The following CNTN4 variants were observed in gnomAD, a reference collection of about 807,000 sequenced individuals.
CNTN4 encodes contactin 4.
CNTN4 carries 77 observed loss-of-function variants against 122.5 expected under a neutral mutation model. That is an observed-to-expected ratio of 0.63 (90% CI 0.52 to 0.76). The LOEUF (loss-of-function observed/expected upper bound fraction) is 0.76. Ranked by LOEUF, CNTN4 falls within the 30% of genes least tolerant of loss-of-function variation. The probability of loss-of-function intolerance (pLI) is 0.00; values close to 1 mark genes in which losing one functional copy is unlikely to be tolerated. For synonymous variants in CNTN4, 512 were observed against 447.0 expected, an observed-to-expected ratio of 1.15 and a Z score of -1.83; for missense variants, 1,256 against 1,259.1, an observed-to-expected ratio of 1.00 and a Z score of 0.04.
chr3:2,423,096 CA>C (rs1338286391), intron 3 of CNTN4, among the ~76,000 whole-genome samples: 2 of 152,126 alleles, frequency 1.3e-5, no homozygotes, highest in Admixed American at 6.5e-5. Flanking sequence ...AACTGATAAC[CA>C]ATTAAATAAA....
chr3:2,816,254 T>G (rs985559112), intron 6 of CNTN4, among the ~76,000 whole-genome samples: 11 of 147,748 alleles, frequency 7.4e-5, no homozygotes, highest in African/African-American at 2.9e-4. Context: ...CTCGGGAGGC[T>G]GAGGCAGGAG....
At chr3:2,447,950 A>T (rs2048684791) in intron 3 of CNTN4, among the ~76,000 whole-genome samples, 1 of 152,200 alleles carries the variant, frequency 6.6e-6, no homozygotes, top group Admixed American at 6.6e-5. Flanking sequence ...TATTCAATTC[A>T]TAAAAAAGAT....
At chr3:3,013,975 A>T (rs776228433) in intron 14 of CNTN4, among the ~76,000 whole-genome samples, 1 of 151,520 alleles carries the variant, frequency 6.6e-6, no homozygotes, top group Non-Finnish European at 1.5e-5. Context: ...TTAGATTCTA[A>T]TGGATAATCT....
intron 4 of CNTN4, among the ~76,000 whole-genome samples, chr3:2,642,422 G>T (rs1421952790): frequency 3.9e-5 from 6 of 152,010 alleles, no homozygotes; most frequent in Non-Finnish European, 2.9e-5. Flanking sequence ...ACATACCCAG[G>T]AACAATACTT....
chr3:2,625,202 A>T (rs1463478915), intron 4 of CNTN4, among the ~76,000 whole-genome samples: 1 of 152,106 alleles, frequency 6.6e-6, no homozygotes, highest in Non-Finnish European at 1.5e-5. Context: ...CATCCTCCAA[A>T]AAGGTAGTGG....
chr3:2,284,203 C>T (rs755792358), intron 2 of CNTN4, among the ~76,000 whole-genome samples: 8 of 152,030 alleles, frequency 5.3e-5, no homozygotes, highest in Non-Finnish European at 1.2e-4. Flanking sequence ...TAGAATGATG[C>T]CTGTAGACTG....
intron 3 of CNTN4, among the ~76,000 whole-genome samples, chr3:2,366,982 T>C (rs1258284476): frequency 6.6e-6 from 1 of 152,126 alleles, no homozygotes; most frequent in Non-Finnish European, 1.5e-5. Context: ...ATTAAGGATA[T>C]ATGTACTTTG....
At chr3:2,244,772 A>T (rs1385680102) in intron 2 of CNTN4, among the ~76,000 whole-genome samples, 1 of 152,014 alleles carries the variant, frequency 6.6e-6, no homozygotes, top group Non-Finnish European at 1.5e-5. Context: ...GAGAGAGACA[A>T]ACAAGGAGAG....
intron 10 of CNTN4, among the ~76,000 whole-genome samples, chr3:2,890,716 A>C (rs1166486721): frequency 6.6e-6 from 1 of 152,160 alleles, no homozygotes; most frequent in East Asian, 1.9e-4. Flanking sequence ...GTTTGTCCCT[A>C]CTGTAGCCAT....
At position 2,281,188 on chromosome 3, in the gene CNTN4, A is replaced by G. The variant is rs538171528; in HGVS notation, c.-144-57990A>G. ...ACCAGATATACCTCTTCCATTTTTT[A>G]TACCTCCTACTCTCTTAACATGGAC... On this transcript the variant is annotated intron_variant, in intron 2 of 24. Coordinates refer to ENST00000418658, the MANE Select transcript of CNTN4 (RefSeq NM_175607.3). Among the ~76,000 whole-genome samples, 10 of 152,250 alleles carry G rather than the reference A, an allele frequency of 6.6e-5. 1 individual carries two copies. The highest frequency in any genetic ancestry group is 6.5e-4 in the Admixed American group (10 of 15,288).
At chr3:2,352,813 C>T (rs947955125) in intron 3 of CNTN4, among the ~76,000 whole-genome samples, 13 of 152,190 alleles carry the variant, frequency 8.5e-5, no homozygotes, top group African/African-American at 2.9e-4. Context: ...ATCTACTAGG[C>T]GAAGCCAGCT....
rs965852950 is a variant in CNTN4 at position 3,051,541 on chromosome 3, C to A, written c.2812-2266C>A. ...TTCCTCAAAGCCAGATGTGACCTTG[C>A]ATCCCATCAGCCCATTCTCCTGGAG... On this transcript the variant is annotated intron_variant, in intron 23 of 24. Coordinates refer to ENST00000418658, the MANE Select transcript of CNTN4 (RefSeq NM_175607.3). Among the ~76,000 whole-genome samples, 10 of 152,188 alleles carry A rather than the reference C, an allele frequency of 6.6e-5. 1 individual carries two copies. The highest frequency in any genetic ancestry group is 1.9e-4 in the African/African-American group (8 of 41,446).
chr3:2,206,351 T>A (rs2038342411), intron 2 of CNTN4, among the ~76,000 whole-genome samples: 1 of 152,084 alleles, frequency 6.6e-6, no homozygotes, highest in Admixed American at 6.6e-5. Context: ...CAATATGCAA[T>A]CAGGCAGGTC....
intron 7 of CNTN4, among the ~76,000 whole-genome samples, chr3:2,852,310 T>C (rs1332779886): frequency 6.6e-6 from 1 of 152,128 alleles, no homozygotes; most frequent in Non-Finnish European, 1.5e-5. Context: ...GTAACATAAA[T>C]GGAAATAACT....
At chr3:2,276,363 A>C (rs569148812) in intron 2 of CNTN4, among the ~76,000 whole-genome samples, 2 of 151,824 alleles carry the variant, frequency 1.3e-5, no homozygotes, top group African/African-American at 2.4e-5. Context: ...TAGCAGAGAG[A>C]GGGTTTCACC....
chr3:2,892,715 G>T (rs752172395), intron 10 of CNTN4, among the ~76,000 whole-genome samples: 5 of 152,140 alleles, frequency 3.3e-5, no homozygotes, highest in Non-Finnish European at 7.3e-5. Context: ...TTTGTAACAG[G>T]TGTTATGAGA....
chr3:2,109,347 CTACTCCATTATTAATCAT>C (rs2032755999), intron 2 of CNTN4, among the ~76,000 whole-genome samples: 1 of 152,132 alleles, frequency 6.6e-6, no homozygotes, highest in Non-Finnish European at 1.5e-5. Flanking sequence ...AGTAGAATCA[CTACTCCATTATTAATCAT>C]TATTCCATAA....
chr3:2,622,094 C>T (rs1000797904), intron 4 of CNTN4, among the ~76,000 whole-genome samples: 2 of 152,178 alleles, frequency 1.3e-5, no homozygotes, highest in South Asian at 2.1e-4. Flanking sequence ...AAAACACCCC[C>T]TTTCTCTCAG....
chr3:2,252,306 C>T (rs574593568), intron 2 of CNTN4, among the ~76,000 whole-genome samples: 1 of 151,950 alleles, frequency 6.6e-6, no homozygotes, highest in East Asian at 1.9e-4. Context: ...TTCAGCAAAA[C>T]ATTAGGTTTT....
Sources: allele counts gnomAD v4.1 joint callset (sites outside exome capture counted in the v4.1 genomes callset), GRCh38; gene constraint gnomAD v4.1.1; transcripts MANE v1.5; gene names NCBI Gene and HGNC (gene_info 2026-07-23, HGNC 2026-07-21).